Variants in ABCG8 observed in about 807,000 individuals in gnomAD.
The protein encoded by ABCG8 is ATP-binding cassette sub-family G member 8.
ABCG8 carries 81 observed loss-of-function variants against 71.3 expected under a neutral mutation model. The ratio of observed to expected loss-of-function variants is 1.14; its 90% CI spans 0.95 to 1.37. The LOEUF (loss-of-function observed/expected upper bound fraction) is 1.37. ABCG8 is among the 40% of genes most tolerant of loss of function. The probability of loss-of-function intolerance (pLI) is 0.00; values close to 1 mark genes in which losing one functional copy is unlikely to be tolerated. For synonymous variants in ABCG8, 451 were observed against 354.7 expected (o/e 1.27, Z -3.05); for missense variants, 1,119 against 866.2 (o/e 1.29, Z -3.66).
chr2:43,868,502 G>A (rs1302431467), intron 6 of ABCG8, among the ~76,000 whole-genome samples: 1 of 151,894 alleles, frequency 6.6e-6, no homozygotes, highest in Non-Finnish European at 1.5e-5. Flanking sequence ...TTATCTGTCT[G>A]GATAGAATTC....
chr2:43,857,696 A>G (rs187373362), intron 6 of ABCG8, among the ~76,000 whole-genome samples: 124 of 151,934 alleles, frequency 8.2e-4, no homozygotes, highest in African/African-American at 2.9e-3. Context: ...CTTTCAGGAT[A>G]GAACTCTTAC....
chr2:43,871,150 A>G (rs1392898098), intron 6 of ABCG8, among the ~76,000 whole-genome samples: 2 of 152,082 alleles, frequency 1.3e-5, no homozygotes, highest in Non-Finnish European at 2.9e-5. Flanking sequence ...CCCTCTGGAT[A>G]GAACTGTCAC....
intron 11 of ABCG8, 123 bp from the exon 12 acceptor site, chr2:43,877,438 G>A: frequency 1.3e-6 from 2 of 1,497,546 alleles, no homozygotes; most frequent in South Asian, 1.2e-5. Context: ...GGGAGATCAT[G>A]CAAATATGGG....
intron 6 of ABCG8, among the ~76,000 whole-genome samples, chr2:43,859,649 C>T (rs908151962): frequency 2.0e-5 from 3 of 151,160 alleles, no homozygotes; most frequent in Admixed American, 6.6e-5. Flanking sequence ...GGATTTCTCA[C>T]CATCCAGATA....
intron 10 of ABCG8, 132 bp from the exon 11 acceptor site, chr2:43,875,014 C>T: frequency 7.6e-7 from 1 of 1,313,350 alleles, no homozygotes; most frequent in Non-Finnish European, 1.1e-6. Context: ...GGTCCCAGCA[C>T]ACCCTCCTGC....
chr2:43,868,654 G>C (rs1669622090), intron 6 of ABCG8, among the ~76,000 whole-genome samples: 1 of 151,838 alleles, frequency 6.6e-6, no homozygotes, highest in East Asian at 1.9e-4. Context: ...CTACCTTTCT[G>C]GATAGAATTC....
Position 43,852,337 on chromosome 2 carries a change from C to A in ABCG8, c.562-17C>A. 6.2e-7 allele frequency: 1 copy of A among 1,612,090 alleles called. No individual in the cohort carries two copies. Among genetic ancestry groups the A allele is most frequent in the Non-Finnish European group, 8.5e-7 (1 of 1,179,958 alleles). On this transcript the variant is annotated splice_polypyrimidine_tract_variant and intron_variant, in intron 4 of 12. Coordinates refer to ENST00000272286, the MANE Select transcript of ABCG8 (RefSeq NM_022437.3). ...GGAGGCCCCTGAGGTGGCCTCAAAG[C>A]TCCTTCTGGCCCACAGGTGGAGGAC...
At chr2:43,857,205 G>C (rs930261860) in intron 6 of ABCG8, among the ~76,000 whole-genome samples, 3 of 149,484 alleles carry the variant, frequency 2.0e-5, no homozygotes, top group Non-Finnish European at 3.0e-5. Context: ...CTCACTCTCT[G>C]GATAAAACTC....
rs1413176465 is a variant in ABCG8, at chr2:43,880,099, C to T, written c.*2186C>T. 6.6e-6 allele frequency: 1 copy of T among 151,444 alleles called. No individual in the cohort carries two copies. The highest frequency in any genetic ancestry group is 1.5e-5 in the Non-Finnish European group (1 of 67,986). The allele number at this position is 151,444 out of a possible 1,614,324, so 9.4% of individuals were successfully genotyped here. A position where few individuals can be genotyped will look rare whatever the true frequency, so the allele number is the denominator to read the frequency against. On this transcript the variant is annotated 3_prime_UTR_variant, in exon 13 of 13. Coordinates refer to ENST00000272286, the MANE Select transcript of ABCG8 (RefSeq NM_022437.3). ...GCCAGTGGGAACCCCGTCGAGCTGG[C>T]TTCTGCATCCTTTTGATATGTCCTC...
chr2:43,878,157 T>C lies in ABCG8; in HGVS notation c.*244T>C. 1.7e-6 allele frequency: 1 copy of C among 583,408 alleles called. No individual in the cohort carries two copies. Among genetic ancestry groups the C allele is most frequent in the Admixed American group, 2.9e-5 (1 of 35,034 alleles). The allele number at this position is 583,408 out of a possible 1,614,324, so 36.1% of individuals were successfully genotyped here. A position where few individuals can be genotyped will look rare whatever the true frequency, so the allele number is the denominator to read the frequency against. The stretch of plus-strand genomic sequence containing the variant: ...TGACTGGGAGAAAACCTGCACTCGG[T>C]GGCACCTACAACGTTGCTAATTTAT... On this transcript the variant is annotated 3_prime_UTR_variant, in exon 13 of 13. Transcript: ENST00000272286.
chr2:43,871,490 C>T (rs115261949), intron 6 of ABCG8, among the ~76,000 whole-genome samples: 1 of 152,314 alleles, frequency 6.6e-6, no homozygotes, highest in East Asian at 1.9e-4. Flanking sequence ...AATTCTCACT[C>T]TCTGGATGGA....
At position 43,874,511 on chromosome 2, in the gene ABCG8, C is replaced by CCCT. The variant is rs1553383805; in HGVS notation, c.1488+30_1488+31insTCC. 7.4e-5 allele frequency: 106 copies of CCCT among 1,432,502 alleles called. 2 individuals carry two copies. The South Asian group carries it at 1.1e-3, about 15-fold the overall frequency. 88.7% of individuals were successfully genotyped at this position (1,432,502 alleles called of 1,614,324 possible). On this transcript the variant is annotated intron_variant, in intron 10 of 12. Transcript: ENST00000272286. ...GACTGGGCAGGGTTGAGAGCAAGTG[C>CCCT]CCCCCACCCACCAGGGTGGGGGTAA...
At chr2:43,868,824 G>A (rs6737524) in intron 6 of ABCG8, among the ~76,000 whole-genome samples, 74,239 of 151,342 alleles carry the variant, frequency 0.49, 18,750 homozygotes, top group East Asian at 0.86. Flanking sequence ...CACTATCTGG[G>A]TAGAATTCTC....
At position 43,858,500 on chromosome 2, in the gene ABCG8, A is replaced by T. The variant is rs192769043; in HGVS notation, c.964+5632A>T. The stretch of plus-strand genomic sequence containing the variant: ...TGGATAGAATTGTCATTCTCTGAAT[A>T]GTACTCTCACTATCTATCTCGATAG... On this transcript the variant is annotated intron_variant, in intron 6 of 12. Transcript: ENST00000272286. 4.0e-5 allele frequency among the ~76,000 whole-genome samples: 6 copies of T among 151,526 alleles called. No homozygotes were observed. The East Asian group carries it at 1.2e-3, about 29-fold the overall frequency.
chr2:43,874,485 T>C lies in ABCG8; in HGVS notation c.1488+2T>C. Reference sequence around the variant, plus strand: ...ACTGGTCCATATTTCTTTGCCAAGGTGACTGGGCAGGGTTGAGAGCAAGTG... The same window carrying C: ...ACTGGTCCATATTTCTTTGCCAAGGCGACTGGGCAGGGTTGAGAGCAAGTG... On this transcript the variant is annotated splice_donor_variant, in intron 10 of 12. Coordinates refer to ENST00000272286, the MANE Select transcript of ABCG8 (RefSeq NM_022437.3). LOFTEE classifies it high-confidence loss of function. The C allele has an allele frequency of 6.2e-7, 1 of 1,608,360 alleles. No individual in the cohort carries two copies. Among genetic ancestry groups the C allele is most frequent in the Non-Finnish European group, 8.5e-7 (1 of 1,177,822 alleles).
chr2:43,872,076 C>A lies in ABCG8; in HGVS notation c.1065C>A (p.Asp355Glu). 6.2e-7 allele frequency: 1 copy of A among 1,614,134 alleles called. No homozygotes were observed. The highest frequency in any genetic ancestry group is 8.5e-7 in the Non-Finnish European group (1 of 1,180,044). The change falls in exon 7 of 13, where the codon GAC (aspartate) becomes GAA (glutamate). Residue 355 changes from aspartate (D) to glutamate (E), a missense_variant. By Grantham distance (45) the Asp-to-Glu change is conservative (BLOSUM62 2). Transcript: ENST00000272286. ...CCCTGTTTCTAGAAAAAGTGCGTGA[C>A]TTAGATGACTTTCTATGGAAAGCAG... ...LAALFLEKVR[D>E]LDDFLWKAET...
At chr2:43,868,384 T>C (rs1669611081) in intron 6 of ABCG8, among the ~76,000 whole-genome samples, 5 of 150,034 alleles carry the variant, frequency 3.3e-5, no homozygotes, top group Non-Finnish European at 7.4e-5. Context: ...ATAGAATTCT[T>C]ACTCTCTGGA....
intron 6 of ABCG8, among the ~76,000 whole-genome samples, chr2:43,864,316 ATCTG>A (rs1669443299): frequency 6.6e-6 from 1 of 151,280 alleles, no homozygotes; most frequent in Non-Finnish European, 1.5e-5. Context: ...AATTCTCACT[ATCTG>A]TCTGGATAGA....
intron 8 of ABCG8, among the ~76,000 whole-genome samples, chr2:43,872,723 G>A (rs1572864080): frequency 6.6e-6 from 1 of 152,142 alleles, no homozygotes; most frequent in East Asian, 1.9e-4. Context: ...AAAGGAAACA[G>A]CATTGTTGGG....
Sources: gnomAD v4.1 joint callset for allele counts (sites outside exome capture counted in the v4.1 genomes callset) on GRCh38, gnomAD v4.1.1 for gene constraint, MANE v1.5 for transcripts, NCBI Gene and HGNC (gene_info 2026-07-23, HGNC 2026-07-21) for gene names.